Variants in ANO2 observed in about 807,000 individuals in gnomAD.
ANO2 encodes anoctamin-2.
ANO2 carries 101 observed loss-of-function variants against 124.2 expected under a neutral mutation model. The ratio of observed to expected loss-of-function variants is 0.81; its 90% CI spans 0.69 to 0.96. The LOEUF is 0.96. Ranked by LOEUF, ANO2 falls within the 40% of genes least tolerant of loss-of-function variation. The probability of loss-of-function intolerance (pLI) is 0.00; values close to 1 mark genes in which losing one functional copy is unlikely to be tolerated. For synonymous variants in ANO2, 486 were observed against 482.5 expected, an observed-to-expected ratio of 1.01 and a Z score of -0.09; for missense variants, 1,293 against 1,274.5, an observed-to-expected ratio of 1.01 and a Z score of -0.22.
intron 3 of ANO2, among the ~76,000 whole-genome samples, chr12:5,913,063 A>T (rs1591783254): frequency 6.6e-6 from 1 of 152,126 alleles, no homozygotes; most frequent in Non-Finnish European, 1.5e-5. Flanking sequence ...ATAGAAATAC[A>T]CCACGCCCCG....
chr12:5,577,654 T>C (rs1942489541), intron 22 of ANO2, among the ~76,000 whole-genome samples: 1 of 152,224 alleles, frequency 6.6e-6, no homozygotes, highest in Admixed American at 6.5e-5. Context: ...TGTGGAATTC[T>C]TTCCTCATTA....
At chr12:5,889,161 C>A (rs972483707) in intron 3 of ANO2, among the ~76,000 whole-genome samples, 1 of 152,240 alleles carries the variant, frequency 6.6e-6, no homozygotes, top group Non-Finnish European at 1.5e-5. Flanking sequence ...CTGCCAAGCC[C>A]ACGCCCACCC....
chr12:5,912,045 A>G (rs1228408942), intron 3 of ANO2, among the ~76,000 whole-genome samples: 1 of 152,206 alleles, frequency 6.6e-6, no homozygotes, highest in African/African-American at 2.4e-5. Flanking sequence ...GATATGGCAG[A>G]TCAAAGCCCA....
At chr12:5,775,324 C>T (rs1489042558) in intron 10 of ANO2, among the ~76,000 whole-genome samples, 2 of 152,124 alleles carry the variant, frequency 1.3e-5, no homozygotes, top group African/African-American at 4.8e-5. Context: ...CAAGAACAAT[C>T]TCCATTGTCT....
chr12:5,891,913 A>G (rs1939437849), intron 3 of ANO2, among the ~76,000 whole-genome samples: 2 of 152,228 alleles, frequency 1.3e-5, no homozygotes, highest in South Asian at 4.1e-4. Flanking sequence ...CTGAACATAC[A>G]AAGAACAAGG....
intron 14 of ANO2, among the ~76,000 whole-genome samples, chr12:5,648,464 T>C (rs1946752482): frequency 6.6e-6 from 1 of 152,204 alleles, no homozygotes; most frequent in South Asian, 2.1e-4. Context: ...CCTACCCTTT[T>C]CCCCTCGGAC....
chr12:5,924,430 TGAGCCA>T (rs1408249616), intron 1 of ANO2, among the ~76,000 whole-genome samples: 1 of 152,200 alleles, frequency 6.6e-6, no homozygotes, highest in African/African-American at 2.4e-5. Flanking sequence ...CTGGGGTAAC[TGAGCCA>T]GAGCTGGGTC....
chr12:5,727,635 C>T (rs2362466), intron 14 of ANO2, among the ~76,000 whole-genome samples: 1,991 of 64,182 alleles, frequency 0.031, 188 homozygotes, highest in Middle Eastern at 0.056. Flanking sequence ...TCACCACTTC[C>T]TTTTTTTTTT....
intron 14 of ANO2, among the ~76,000 whole-genome samples, chr12:5,716,079 G>A (rs17788335): frequency 0.053 from 7,996 of 152,256 alleles, 217 homozygotes; most frequent in South Asian, 0.11. Context: ...AAGGGTTATA[G>A]TGGTCTGCCT....
intron 7 of ANO2, among the ~76,000 whole-genome samples, chr12:5,815,099 C>A (rs1318258233): frequency 1.3e-5 from 2 of 152,162 alleles, no homozygotes; most frequent in Admixed American, 1.3e-4. Context: ...GCTCTCACAA[C>A]AGAAAACCCA....
At chr12:5,751,723 G>T (rs1951446990) in intron 10 of ANO2, among the ~76,000 whole-genome samples, 2 of 147,556 alleles carry the variant, frequency 1.4e-5, no homozygotes, top group African/African-American at 2.5e-5. Flanking sequence ...ATTTTCTCTT[G>T]TGTTAAGAGC....
In ANO2 at chr12:5,833,345, T is replaced by A. The variant is rs181061136; in HGVS notation, c.634-742A>T. Among the ~76,000 whole-genome samples the A allele has an allele frequency of 3.9e-5, 6 of 152,140 alleles. No individual in the cohort carries two copies. The East Asian group carries it at 1.2e-3, about 29-fold the overall frequency. On this transcript the variant is annotated intron_variant, in intron 4 of 24. Transcript: ENST00000682330. Reference sequence around the variant, plus strand: ...GGATCTTTATAACCTGCAAATGGAGTCATTGAGACACAGAAGTTGTATTTC... The same window carrying A: ...GGATCTTTATAACCTGCAAATGGAGACATTGAGACACAGAAGTTGTATTTC...
At position 5,636,605 on chromosome 12, in the gene ANO2, T is replaced by TACACACACACACACAC. The variant is rs61059041; in HGVS notation, c.1621-1274_1621-1259dup. Among the ~76,000 whole-genome samples the TACACACACACACACAC allele has an allele frequency of 6.7e-4, 79 of 118,568 alleles. 2 individuals are homozygous for TACACACACACACACAC. Among genetic ancestry groups the TACACACACACACACAC allele is most frequent in the South Asian group, 3.6e-3 (10 of 2,800 alleles). 77.8% of individuals were successfully genotyped at this position (118,568 alleles called of 152,430 possible). Reference sequence around the variant, plus strand: ...CCTGAAAAAATAAGCTGTGCTGGACTACACACACACACACACACACACACA... The same window carrying TACACACACACACACAC: ...CCTGAAAAAATAAGCTGTGCTGGACTACACACACACACACACACACACACACACACACACACACACA... On this transcript the variant is annotated intron_variant, in intron 15 of 24. Coordinates refer to ENST00000682330, the MANE Select transcript of ANO2 (RefSeq NM_001364791.2). This position sits in a 1 kb window ranked among gnomAD's most constrained non-coding sequence, Gnocchi z 4.6.
chr12:5,762,057 G>A (rs1421233970), intron 10 of ANO2, among the ~76,000 whole-genome samples: 1 of 152,058 alleles, frequency 6.6e-6, no homozygotes, highest in Non-Finnish European at 1.5e-5. Flanking sequence ...GAATAAAATT[G>A]TATAACTGTA....
intron 3 of ANO2, among the ~76,000 whole-genome samples, chr12:5,903,494 C>T (rs140040127): frequency 6.4e-4 from 98 of 152,294 alleles, no homozygotes; most frequent in African/African-American, 2.2e-3. Context: ...AATTTCCCCA[C>T]GGTTATATGT....
At chr12:5,759,922 T>C (rs1951691224) in intron 10 of ANO2, among the ~76,000 whole-genome samples, 1 of 152,070 alleles carries the variant, frequency 6.6e-6, no homozygotes, top group Non-Finnish European at 1.5e-5. Context: ...TAAAGAAAGA[T>C]CTTTGGGCAA....
chr12:5,739,424 A>C (rs973090867), intron 12 of ANO2, 25 bp from the exon 13 acceptor site: 2 of 1,559,224 alleles, frequency 1.3e-6, no homozygotes, highest in African/African-American at 2.7e-5. Flanking sequence ...CAAGAACAAA[A>C]ACCTTGATTA....
At chr12:5,788,222 ACT>A (rs1952593000) in intron 10 of ANO2, among the ~76,000 whole-genome samples, 1 of 152,118 alleles carries the variant, frequency 6.6e-6, no homozygotes, top group Non-Finnish European at 1.5e-5. Context: ...GGACCAACTA[ACT>A]CTCAGCCTGA....
In ANO2 at chr12:5,900,921, G is replaced by C. The variant is rs1161044645; in HGVS notation, c.534+20119C>G. On this transcript the variant is annotated intron_variant, in intron 3 of 24. Coordinates refer to ENST00000682330, the MANE Select transcript of ANO2 (RefSeq NM_001364791.2). The surrounding 1 kb of genome is among the most constrained non-coding windows in gnomAD (Gnocchi z 4.2). ...AGGTCTCAGTCTAGGTCATTCCCCTGCCGGCAGCACTTTGATGGCTTTTTG... is the reference window on the plus strand; with the variant it reads ...AGGTCTCAGTCTAGGTCATTCCCCTCCCGGCAGCACTTTGATGGCTTTTTG... Among the ~76,000 whole-genome samples the C allele has an allele frequency of 6.6e-6, 1 of 152,210 alleles. No homozygotes were observed. Among genetic ancestry groups the C allele is most frequent in the Non-Finnish European group, 1.5e-5 (1 of 68,038 alleles).
Sources: allele counts gnomAD v4.1 joint callset (sites outside exome capture counted in the v4.1 genomes callset), GRCh38; gene constraint gnomAD v4.1.1; non-coding constraint Gnocchi (gnomAD v3.1); transcripts MANE v1.5; gene names NCBI Gene and HGNC (gene_info 2026-07-23, HGNC 2026-07-21).